MCOLN3: variants seen among roughly 807,000 people sequenced by gnomAD.
MCOLN3 encodes mucolipin-3.
In MCOLN3, 62 loss-of-function variants were observed where a neutral mutation model predicts 69.4. That is an observed-to-expected ratio of 0.89 (90% confidence interval 0.73 to 1.10). The LOEUF is 1.10. Among genes scored for constraint, MCOLN3 ranks in the 50% least tolerant of loss-of-function variants. The pLI, the probability that MCOLN3 is intolerant of heterozygous loss-of-function variation, is 0.00. For synonymous variants in MCOLN3, 183 were observed against 217.0 expected (o/e 0.84, Z 1.38); for missense variants, 564 against 656.4 (o/e 0.86, Z 1.54).
chr1:85,042,079 AT>A (rs1431272341), intron 2 of MCOLN3, among the ~76,000 whole-genome samples: 1 of 152,096 alleles, frequency 6.6e-6, no homozygotes, highest in East Asian at 1.9e-4. Context: ...GGCAGAGTAT[AT>A]TTTATATGGA....
chr1:85,047,815 G>T (rs1653445534), intron 1 of MCOLN3, among the ~76,000 whole-genome samples: 1 of 152,184 alleles, frequency 6.6e-6, no homozygotes, highest in Admixed American at 6.5e-5. Context: ...AGAAAGATCT[G>T]CAGGGTTGCA....
At chr1:85,031,047 T>C (rs1652488537) in intron 6 of MCOLN3, among the ~76,000 whole-genome samples, 1 of 151,856 alleles carries the variant, frequency 6.6e-6, no homozygotes, top group African/African-American at 2.4e-5. Context: ...CCGAGGTGGG[T>C]GGATCACGAG....
chr1:85,018,091 T>C lies in MCOLN3; in HGVS notation c.*1032A>G, dbSNP rs2102910742. The C allele has an allele frequency of 6.6e-6, 1 of 152,356 alleles. No homozygotes were observed. The allele number at this position is 152,356 out of a possible 1,614,324, so 9.4% of individuals were successfully genotyped here. ...ATTACTTCATCAAAAATGCATTTGG[T>C]ATATGCTTTAATTTCATGCATGTAT... On this transcript the variant is annotated 3_prime_UTR_variant, in exon 13 of 13. Transcript: ENST00000370589.
intron 9 of MCOLN3, chr1:85,023,637 G>A (rs1652064483): frequency 6.6e-6 from 1 of 152,246 alleles, no homozygotes; most frequent in South Asian, 2.1e-4. Flanking sequence ...TGGTGGATAT[G>A]CGAATCTGGA....
At chr1:85,019,822 CT>C (rs536792736) in intron 12 of MCOLN3, among the ~76,000 whole-genome samples, 1 of 152,282 alleles carries the variant, frequency 6.6e-6, no homozygotes, top group Admixed American at 6.5e-5. Flanking sequence ...TCTGCACACC[CT>C]TTTGGAGTCA....
chr1:85,029,035 G>T, intron 7 of MCOLN3, 71 bp downstream of exon 7: 1 of 951,364 alleles, frequency 1.1e-6, no homozygotes, highest in Non-Finnish European at 1.7e-6. Context: ...GATATCCAGA[G>T]GGTGCTATTT....
At chr1:85,043,563 T>TGA (rs1653185034) in intron 2 of MCOLN3, among the ~76,000 whole-genome samples, 1 of 151,856 alleles carries the variant, frequency 6.6e-6, no homozygotes. Flanking sequence ...TGATGACATC[T>TGA]ATAAAATGTT....
At chr1:85,041,303 G>T (rs778383512) in intron 2 of MCOLN3, 126 bp from the exon 3 acceptor site, 3 of 743,780 alleles carry the variant, frequency 4.0e-6, no homozygotes, top group Non-Finnish European at 6.2e-6. Flanking sequence ...CATCAAGAAG[G>T]TTTTGCAGCA....
At chr1:85,023,142 A>C (rs1314616652) in intron 9 of MCOLN3, 1 of 139,414 alleles carries the variant, frequency 7.2e-6, no homozygotes, top group Non-Finnish European at 1.5e-5. Context: ...GTGCCGTGGC[A>C]CAATTGTGGC....
intron 6 of MCOLN3, among the ~76,000 whole-genome samples, 167 bp downstream of exon 6, chr1:85,032,526 CTTG>C (rs1346559409): frequency 1.8e-4 from 28 of 152,178 alleles, no homozygotes; most frequent in African/African-American, 6.5e-4. Context: ...AACAAGTAAA[CTTG>C]TTATTATAGC....
chr1:85,026,909 A>G (rs1488523159), intron 7 of MCOLN3, among the ~76,000 whole-genome samples: 1 of 149,876 alleles, frequency 6.7e-6, no homozygotes, highest in Non-Finnish European at 1.5e-5. Context: ...GTATGCCACC[A>G]TACCGGGCTA....
Position 85,029,219 on chromosome 1 carries a change from A to G in MCOLN3, c.733-14T>C, listed in dbSNP as rs762721552. The G allele has an allele frequency of 2.8e-6, 4 of 1,439,238 alleles. No homozygotes were observed. Among genetic ancestry groups the G allele is most frequent in the Non-Finnish European group, 3.9e-6 (4 of 1,022,778 alleles). The allele number at this position is 1,439,238 out of a possible 1,614,324, so 89.2% of individuals were successfully genotyped here. A position where few individuals can be genotyped will look rare whatever the true frequency, so the allele number is the denominator to read the frequency against. On this transcript the variant is annotated splice_polypyrimidine_tract_variant and intron_variant, in intron 6 of 12. Coordinates refer to ENST00000370589, the MANE Select transcript of MCOLN3 (RefSeq NM_018298.11). Reference sequence around the variant, plus strand: ...GTCAAATGTTATCTGTGAAGACAGGAAAACAGTCAAAAACATACTTATAGT... The same window carrying G: ...GTCAAATGTTATCTGTGAAGACAGGGAAACAGTCAAAAACATACTTATAGT...
At chr1:85,022,653 A>T (rs1652004268) in intron 9 of MCOLN3, 1 of 349,190 alleles carries the variant, frequency 2.9e-6, no homozygotes, top group Admixed American at 4.6e-5. Flanking sequence ...GGGGATAAGG[A>T]ATGGGTATGG....
At chr1:85,040,740 C>T (rs1189477910) in intron 3 of MCOLN3, among the ~76,000 whole-genome samples, 2 of 152,196 alleles carry the variant, frequency 1.3e-5, no homozygotes, top group African/African-American at 2.4e-5. Context: ...ATCTTTGAGA[C>T]TCCCATGCCA....
At chr1:85,039,932 CAG>C (rs1262805500) in intron 3 of MCOLN3, among the ~76,000 whole-genome samples, 2 of 139,598 alleles carry the variant, frequency 1.4e-5, no homozygotes, top group East Asian at 4.3e-4. Flanking sequence ...GCCTGGGTGA[CAG>C]AGTGAGATCC....
chr1:85,047,293 C>CA (rs1283259231), intron 1 of MCOLN3: 1 of 152,264 alleles, frequency 6.6e-6, no homozygotes, highest in Non-Finnish European at 1.5e-5. Flanking sequence ...TTTCATTCAC[C>CA]AGGACCAGAT....
intron 9 of MCOLN3, among the ~76,000 whole-genome samples, chr1:85,023,700 A>G (rs1349320118): frequency 6.6e-6 from 1 of 152,212 alleles, no homozygotes; most frequent in East Asian, 1.9e-4. Context: ...ATTGGCATAT[A>G]GATACTAAGC....
intron 7 of MCOLN3, 42 bp downstream of exon 7, chr1:85,029,064 A>G (rs1466988516): frequency 7.9e-7 from 1 of 1,266,554 alleles, no homozygotes; most frequent in Admixed American, 1.7e-5. Context: ...ATTTTACATT[A>G]TTTAATAACC....
In MCOLN3 at chr1:85,026,215, A is replaced by T. The variant is rs1571095520; in HGVS notation, c.902T>A (p.Ile301Asn). 3.1e-6 allele frequency: 5 copies of T among 1,614,180 alleles called. No individual in the cohort carries two copies. Among genetic ancestry groups the T allele is most frequent in the Non-Finnish European group, 4.2e-6 (5 of 1,180,018 alleles). ...TCTAATCACAGATCTAATGCAGAGG[A>T]TTAATGAAACCAAGCAAGTCAGAAT... The part of the protein sequence containing the change: ...FVILTCLVSL[I>N]LCIRSVIRGL... Residue 301 changes from isoleucine to asparagine, a missense_variant, in exon 8 of 13, where the codon ATC (isoleucine) becomes AAC (asparagine). Transcript: ENST00000370589.
Sources: allele counts gnomAD v4.1 joint callset (sites outside exome capture counted in the v4.1 genomes callset), GRCh38; gene constraint gnomAD v4.1.1; transcripts MANE v1.5; gene names NCBI Gene and HGNC (gene_info 2026-07-23, HGNC 2026-07-21).